The following NCOR1 variants were observed in gnomAD, a reference collection of about 807,000 sequenced individuals.
NCOR1 encodes protein phosphatase 1, regulatory subunit 109.
Under a neutral mutation model 288.1 loss-of-function variants are expected in NCOR1, and 63 were observed. The ratio of observed to expected loss-of-function variants is 0.22; its 90% CI spans 0.18 to 0.27. The LOEUF (loss-of-function observed/expected upper bound fraction) is 0.27. Ranked by LOEUF, NCOR1 falls within the 10% of genes least tolerant of loss-of-function variation. The pLI is 1.00. For missense variants in NCOR1, 2,397 were observed against 3,019.2 expected, an observed-to-expected ratio of 0.79 and a Z score of 4.83; for synonymous variants, 1,007 against 1,065.9, an observed-to-expected ratio of 0.94 and a Z score of 1.08.
chr17:16,157,122 CT>C (rs890651755), intron 6 of NCOR1, among the ~76,000 whole-genome samples: 42 of 148,306 alleles, frequency 2.8e-4, no homozygotes, highest in African/African-American at 2.5e-4. Context: ...ATGCAGAGGA[CT>C]TTTTTTTTTT....
intron 15 of NCOR1, among the ~76,000 whole-genome samples, chr17:16,123,154 C>CCT (rs1174871356): frequency 9.2e-5 from 14 of 152,168 alleles, no homozygotes; most frequent in Admixed American, 9.2e-4. Flanking sequence ...TTCATCCTCA[C>CCT]CTCTGCTCCT....
intron 27 of NCOR1, among the ~76,000 whole-genome samples, chr17:16,075,067 A>G (rs534219950): frequency 6.6e-6 from 1 of 152,056 alleles, no homozygotes; most frequent in Non-Finnish European, 1.5e-5. Context: ...ACAGGGTTTC[A>G]CCGTGTTAGC....
chr17:16,170,750 G>A (rs1463236601), intron 4 of NCOR1, among the ~76,000 whole-genome samples: 1 of 151,470 alleles, frequency 6.6e-6, no homozygotes, highest in Non-Finnish European at 1.5e-5. Flanking sequence ...CAGGAAAATT[G>A]CTTGAACCAG....
intron 18 of NCOR1, among the ~76,000 whole-genome samples, chr17:16,113,513 C>T (rs2070794370): frequency 6.6e-6 from 1 of 152,102 alleles, no homozygotes; most frequent in South Asian, 2.1e-4. Flanking sequence ...TGATACTGTA[C>T]CAAAACTCAC....
chr17:16,197,321 CAA>C (rs1162247518), intron 1 of NCOR1, among the ~76,000 whole-genome samples: 29 of 126,046 alleles, frequency 2.3e-4, no homozygotes, highest in Admixed American at 3.2e-4. Flanking sequence ...ACTCCGTCTC[CAA>C]AAAAAAAAAA....
chr17:16,095,603 C>T (rs1298514974), intron 21 of NCOR1, among the ~76,000 whole-genome samples: 25 of 42,048 alleles, frequency 5.9e-4, no homozygotes, highest in East Asian at 1.5e-3. Flanking sequence ...TCTGCCCGGC[C>T]GCCCCTACTG....
rs565167541 is a variant in NCOR1 at position 16,208,107 on chromosome 17, C to G, written c.-71+7255G>C. 8.0e-5 allele frequency among the ~76,000 whole-genome samples: 10 copies of G among 124,510 alleles called. No homozygotes were observed. The South Asian group carries it at 2.8e-3, about 34-fold the overall frequency. 81.7% of individuals were successfully genotyped at this position (124,510 alleles called of 152,430 possible). A position where few individuals can be genotyped will look rare whatever the true frequency, so the allele number is the denominator to read the frequency against. ...CTAGGCTGGAATGTAGTGGCGCAAT[C>G]TCGGTTCACTGCAACCTCTGCCTCC... On this transcript the variant is annotated intron_variant, in intron 1 of 45. Coordinates refer to ENST00000268712, the MANE Select transcript of NCOR1 (RefSeq NM_006311.4).
chr17:16,211,441 C>T (rs2092120255), intron 1 of NCOR1, among the ~76,000 whole-genome samples: 1 of 151,932 alleles, frequency 6.6e-6, no homozygotes, highest in Non-Finnish European at 1.5e-5. Flanking sequence ...CTCTGTTGTG[C>T]AGGTTGGTCT....
At chr17:16,041,581 A>T (rs1304680642) in intron 42 of NCOR1, among the ~76,000 whole-genome samples, 1 of 149,112 alleles carries the variant, frequency 6.7e-6, no homozygotes, top group Admixed American at 6.7e-5. Flanking sequence ...TGCCCAGCTA[A>T]TTTTTGTATT....
At chr17:16,115,024 G>A (rs1016144606) in intron 18 of NCOR1, among the ~76,000 whole-genome samples, 5 of 152,016 alleles carry the variant, frequency 3.3e-5, no homozygotes, top group African/African-American at 9.7e-5. Flanking sequence ...ACATCCAGGC[G>A]TTTCCATACA....
chr17:16,208,228 T>TC (rs1480451886), intron 1 of NCOR1, among the ~76,000 whole-genome samples: 2 of 138,458 alleles, frequency 1.4e-5, no homozygotes, highest in Non-Finnish European at 3.1e-5. Context: ...TTTTTTTTTT[T>TC]TTTGTATTTT....
intron 1 of NCOR1, among the ~76,000 whole-genome samples, chr17:16,210,798 C>T (rs546191147): frequency 1.3e-5 from 2 of 151,532 alleles, no homozygotes; most frequent in Non-Finnish European, 2.9e-5. Context: ...GGCGCAATCT[C>T]GGCTTACTGC....
chr17:16,194,782 C>T (rs944648900), intron 1 of NCOR1, 143 bp from the exon 2 acceptor site: 4 of 375,864 alleles, frequency 1.1e-5, no homozygotes, highest in African/African-American at 6.1e-5. Flanking sequence ...TAAAAGTTAC[C>T]AAGGTTTGAA....
intron 4 of NCOR1, among the ~76,000 whole-genome samples, chr17:16,165,785 T>C (rs943957829): frequency 6.6e-6 from 1 of 152,178 alleles, no homozygotes; most frequent in Non-Finnish European, 1.5e-5. Context: ...AGCAGAGCTG[T>C]AGCAGAATGA....
At chr17:16,044,340 T>C (rs192814282) in intron 42 of NCOR1, 7 of 468,328 alleles carry the variant, frequency 1.5e-5, no homozygotes, top group Admixed American at 1.4e-4. Context: ...CATCCTTTTT[T>C]CCTTGGTGTT....
chr17:16,184,397 G>A (rs2086169560), intron 3 of NCOR1, among the ~76,000 whole-genome samples: 1 of 152,132 alleles, frequency 6.6e-6, no homozygotes, highest in Non-Finnish European at 1.5e-5. Context: ...TTTAAAATGG[G>A]CAGAAGATCT....
At chr17:16,037,672 CAAAG>C in intron 44 of NCOR1, among the ~76,000 whole-genome samples, 1 of 152,254 alleles carries the variant, frequency 6.6e-6, no homozygotes, top group Admixed American at 6.5e-5. Context: ...ATACACCACA[CAAAG>C]AAATAATATG....
At chr17:16,207,374 T>C (rs991589374) in intron 1 of NCOR1, among the ~76,000 whole-genome samples, 5 of 152,092 alleles carry the variant, frequency 3.3e-5, no homozygotes, top group African/African-American at 9.7e-5. Flanking sequence ...TTCAACAAAG[T>C]ATGGGGTAAA....
chr17:16,189,235 A>G (rs2087532241), intron 2 of NCOR1, among the ~76,000 whole-genome samples: 1 of 151,988 alleles, frequency 6.6e-6, no homozygotes, highest in African/African-American at 2.4e-5. Flanking sequence ...GTGTACTAAA[A>G]TTACAAAAAT....
Sources: allele counts gnomAD v4.1 joint callset (sites outside exome capture counted in the v4.1 genomes callset), GRCh38; gene constraint gnomAD v4.1.1; transcripts MANE v1.5; gene names NCBI Gene and HGNC (gene_info 2026-07-23, HGNC 2026-07-21).